The following SGO2 variants were observed in gnomAD, a reference collection of about 807,000 sequenced individuals.
The protein encoded by SGO2 is shugoshin-like 2.
A neutral mutation model predicts 99.5 loss-of-function variants in SGO2; 68 were observed. The observed-to-expected ratio is 0.68, with a 90% confidence interval of 0.56 to 0.84. The LOEUF (loss-of-function observed/expected upper bound fraction) is 0.84, where lower values mean the gene tolerates loss of function less well. Ranked by LOEUF, SGO2 falls within the 40% of genes least tolerant of loss-of-function variation. The pLI is 0.00. For synonymous variants in SGO2, 457 were observed against 487.1 expected (o/e 0.94, Z 0.81); for missense variants, 1,350 against 1,436.7 (o/e 0.94, Z 0.97).
At chr2:200,550,215 G>A (rs1421230017) in intron 5 of SGO2, among the ~76,000 whole-genome samples, 1 of 152,020 alleles carries the variant, frequency 6.6e-6, no homozygotes, top group African/African-American at 2.4e-5. Context: ...CCAAAAAAGG[G>A]AAGATATTCC....
chr2:200,530,538 G>A (rs1397677095), intron 1 of SGO2, among the ~76,000 whole-genome samples: 1 of 152,136 alleles, frequency 6.6e-6, no homozygotes, highest in African/African-American at 2.4e-5. Flanking sequence ...GCATCTGGCT[G>A]GTATTTTAAG....
At chr2:200,532,829 A>G (rs2031480147) in intron 1 of SGO2, 145 bp from the exon 2 acceptor site, 3 of 891,220 alleles carry the variant, frequency 3.4e-6, no homozygotes, top group Non-Finnish European at 4.9e-6. Flanking sequence ...GATTACATTC[A>G]TACTTTCAGA....
chr2:200,542,562 A>AT lies in SGO2; in HGVS notation c.388-10dup. ...TAAGGTTAGAAACTTTGTTTTCTTT[A>AT]TTTTTTTCAAAAATAGTTCCATCAG... On this transcript the variant is annotated splice_polypyrimidine_tract_variant and intron_variant, in intron 4 of 8. Coordinates refer to ENST00000357799, the MANE Select transcript of SGO2 (RefSeq NM_152524.6). 3 of 1,598,222 alleles carry AT rather than the reference A, an allele frequency of 1.9e-6. No homozygotes were observed. The highest frequency in any genetic ancestry group is 8.5e-7 in the Non-Finnish European group (1 of 1,170,694).
rs775882174 is a variant in SGO2 at position 200,571,701 on chromosome 2, T to G, written c.1355T>G (p.Phe452Cys). 2.5e-6 allele frequency: 4 copies of G among 1,613,738 alleles called. No homozygotes were observed. Among genetic ancestry groups the G allele is most frequent in the African/African-American group, 1.3e-5 (1 of 75,012 alleles). ...KRGAEDPGFI[F>C]NNEQLAQMNE... ...GGTGCAGAAGATCCCGGTTTTATTTTCAATAATGAACAGCTGGCTCAGATG... is the reference window on the plus strand; with the variant it reads ...GGTGCAGAAGATCCCGGTTTTATTTGCAATAATGAACAGCTGGCTCAGATG... Residue 452 changes from phenylalanine (F) to cysteine (C), a missense_variant, in exon 7 of 9, where the codon TTC (phenylalanine) becomes TGC (cysteine). Phe to Cys is a radical substitution (Grantham distance 205, BLOSUM62 -2). Transcript: ENST00000357799.
At position 200,554,893 on chromosome 2, in the gene SGO2, C is replaced by A. The variant is rs372248709; in HGVS notation, c.473+12229C>A. On this transcript the variant is annotated intron_variant, in intron 5 of 8. Transcript: ENST00000357799. ...TAAGGTAAGATTCTCAAACCTTTTACAACCCTTTATAAATTTTTTTTAAAG... is the reference window on the plus strand; with the variant it reads ...TAAGGTAAGATTCTCAAACCTTTTAAAACCCTTTATAAATTTTTTTTAAAG... Among the ~76,000 whole-genome samples, 36 of 152,264 alleles carry A rather than the reference C, an allele frequency of 2.4e-4. No individual in the cohort carries two copies. In the East Asian group the frequency reaches 4.8e-3, roughly 20 times the overall value.
At chr2:200,530,884 T>C (rs2031341570) in intron 1 of SGO2, among the ~76,000 whole-genome samples, 2 of 152,152 alleles carry the variant, frequency 1.3e-5, no homozygotes, top group African/African-American at 2.4e-5. Context: ...CTGATTGAAG[T>C]AGGTTTATGA....
chr2:200,566,503 G>A (rs1241225546), intron 5 of SGO2, among the ~76,000 whole-genome samples: 1 of 152,200 alleles, frequency 6.6e-6, no homozygotes, highest in Non-Finnish European at 1.5e-5. Flanking sequence ...CTCCCAGTTA[G>A]GCTACTCAGG....
intron 8 of SGO2, chr2:200,580,550 G>T: frequency 2.4e-6 from 1 of 419,010 alleles, no homozygotes. Flanking sequence ...AGTGTTTTAT[G>T]GACAGGCACA....
intron 5 of SGO2, among the ~76,000 whole-genome samples, chr2:200,569,309 T>C (rs2033304624): frequency 6.6e-6 from 1 of 152,154 alleles, no homozygotes; most frequent in Non-Finnish European, 1.5e-5. Flanking sequence ...GGGTATTACA[T>C]AGAATTAAAA....
At chr2:200,531,750 G>T (rs2031391971) in intron 1 of SGO2, 1 of 152,238 alleles carries the variant, frequency 6.6e-6, no homozygotes, top group African/African-American at 2.4e-5. Flanking sequence ...TCTAAATTCA[G>T]TTATCACTGG....
intron 1 of SGO2, among the ~76,000 whole-genome samples, chr2:200,529,333 A>C (rs1056418539): frequency 1.3e-5 from 2 of 152,212 alleles, no homozygotes; most frequent in African/African-American, 4.8e-5. Flanking sequence ...TACTGTGTTG[A>C]TATCATTTGT....
intron 5 of SGO2, among the ~76,000 whole-genome samples, chr2:200,564,379 G>A (rs903664035): frequency 6.6e-6 from 1 of 152,234 alleles, no homozygotes; most frequent in Non-Finnish European, 1.5e-5. Flanking sequence ...TTTTGAGTGA[G>A]TTTCTCAATC....
intron 5 of SGO2, among the ~76,000 whole-genome samples, chr2:200,559,747 A>C (rs921516282): frequency 3.9e-5 from 6 of 152,124 alleles, no homozygotes; most frequent in Admixed American, 1.3e-4. Flanking sequence ...TTGATATACC[A>C]TATCATTATT....
chr2:200,572,927 G>A lies in SGO2; in HGVS notation c.2581G>A (p.Glu861Lys), dbSNP rs746933339. 6.3e-7 allele frequency: 1 copy of A among 1,597,318 alleles called. No homozygotes were observed. The highest frequency in any genetic ancestry group is 2.2e-5 in the East Asian group (1 of 44,678). The change falls in exon 7 of 9, where the codon GAA becomes AAA. Residue 861 changes from glutamate to lysine, a missense_variant. Coordinates refer to ENST00000357799, the MANE Select transcript of SGO2 (RefSeq NM_152524.6). ...TISENLQVTN[E>K]FQTVDLLIKD... ...TTCTGAAAATCTACAAGTCACAAAT[G>A]AATTTCAAACAGTTGATCTTCTCAT...
chr2:200,578,619 C>T (rs917950380), intron 8 of SGO2, among the ~76,000 whole-genome samples: 2 of 152,198 alleles, frequency 1.3e-5, no homozygotes, highest in Non-Finnish European at 2.9e-5. Context: ...TCTTGCCACA[C>T]GGCCTCCTTT....
chr2:200,572,264 G>A lies in SGO2; in HGVS notation c.1918G>A (p.Gly640Ser). 6.2e-7 allele frequency: 1 copy of A among 1,610,848 alleles called. No homozygotes were observed. The change falls in exon 7 of 9, where the codon GGC becomes AGC. Residue 640 changes from glycine (G) to serine (S), a missense_variant. By Grantham distance (56) the Gly-to-Ser change is moderately conservative (BLOSUM62 0). Transcript: ENST00000357799. ...YEDNDKDVVH[G>S]LKKGNFFFKT... ...GGATAATGATAAAGATGTGGTGCAT[G>A]GCCTAAAAAAAGGTAATTTTTTTTT...
At chr2:200,564,480 ACT>A (rs2033105262) in intron 5 of SGO2, among the ~76,000 whole-genome samples, 1 of 152,214 alleles carries the variant, frequency 6.6e-6, no homozygotes, top group Non-Finnish European at 1.5e-5. Flanking sequence ...TTTACTTCCA[ACT>A]GTGTGGTCAA....
chr2:200,552,901 G>A (rs981831917), intron 5 of SGO2, among the ~76,000 whole-genome samples: 3 of 152,052 alleles, frequency 2.0e-5, no homozygotes, highest in African/African-American at 7.2e-5. Flanking sequence ...CCCATCCCCT[G>A]TTCAAGACGG....
At chr2:200,533,905 G>C (rs1011350303) in intron 2 of SGO2, among the ~76,000 whole-genome samples, 1 of 152,098 alleles carries the variant, frequency 6.6e-6, no homozygotes, top group South Asian at 2.1e-4. Context: ...CCTTTGGCAA[G>C]ACTATTCCAC....
Sources: allele counts gnomAD v4.1 joint callset (sites outside exome capture counted in the v4.1 genomes callset), GRCh38; gene constraint gnomAD v4.1.1; transcripts MANE v1.5; gene names NCBI Gene and HGNC (gene_info 2026-07-23, HGNC 2026-07-21).